PCDHGB4: variants seen among roughly 807,000 people sequenced by gnomAD.
PCDHGB4 encodes the protein protocadherin gamma subfamily B, 4, also known as protocadherin gamma-B4.
In PCDHGB4, 38 loss-of-function variants were observed where a neutral mutation model predicts 60.5. The ratio of observed to expected loss-of-function variants is 0.63; its 90% CI spans 0.48 to 0.82. The LOEUF (loss-of-function observed/expected upper bound fraction) is 0.82, where lower values mean the gene tolerates loss of function less well. Ranked by LOEUF, PCDHGB4 falls within the 40% of genes least tolerant of loss-of-function variation. PCDHGB4 has a pLI of 0.00. For missense variants in PCDHGB4, 1,109 were observed against 1,209.6 expected (o/e 0.92, Z 1.23); for synonymous variants, 456 against 509.7 (o/e 0.89, Z 1.42).
chr5:141,414,040 C>T, intron 1 of PCDHGB4: 2 of 1,611,438 alleles, frequency 1.2e-6, no homozygotes, highest in Non-Finnish European at 1.7e-6. Context: ...CCGAAAATTA[C>T]CTGACACGCA....
rs566838507 is a variant in PCDHGB4, at chr5:141,415,047, G to T, written c.2397+24766G>T. ...GCGAGCCGGGACTCTTCGCGGTGGG[G>T]GAGCACACGGGCGAGGTGCGCACGG... On this transcript the variant is annotated intron_variant, in intron 1 of 3. Transcript: ENST00000519479. The T allele has an allele frequency of 4.2e-5, 67 of 1,613,220 alleles. 1 individual carries two copies. The Admixed American group carries it at 6.0e-4, about 14-fold the overall frequency.
Position 141,389,614 on chromosome 5 carries a change from C to T in PCDHGB4, c.1730C>T (p.Pro577Leu). The T allele has an allele frequency of 1.2e-6, 2 of 1,613,064 alleles. No homozygotes were observed. Among genetic ancestry groups the T allele is most frequent in the Non-Finnish European group, 1.7e-6 (2 of 1,179,826 alleles). Residue 577 changes from proline (P) to leucine (L), a missense_variant, in exon 1 of 4, where the codon CCG becomes CTG. By Grantham distance (98) the Pro-to-Leu change is moderately conservative (BLOSUM62 -3). Coordinates refer to ENST00000519479, the MANE Select transcript of PCDHGB4 (RefSeq NM_003736.4). ...PDGSALFDMV[P>L]HAAEPGYLVT... Reference sequence around the variant, plus strand: ...GGCTCTGCGCTCTTCGATATGGTGCCGCACGCTGCAGAGCCTGGCTACTTG... The same window carrying T: ...GGCTCTGCGCTCTTCGATATGGTGCTGCACGCTGCAGAGCCTGGCTACTTG...
At chr5:141,395,076 C>A (rs1384743817) in intron 1 of PCDHGB4, 1 of 1,614,142 alleles carries the variant, frequency 6.2e-7, no homozygotes, top group Admixed American at 1.7e-5. Context: ...GACCTATTCC[C>A]AGGAAGTCTC....
intron 1 of PCDHGB4, chr5:141,411,753 A>G (rs1006054735): frequency 6.5e-5 from 10 of 152,756 alleles, no homozygotes; most frequent in African/African-American, 2.4e-4. Context: ...GTGGTGGCAC[A>G]TGCCTGTGGT....
rs771804151 is a variant in PCDHGB4, at chr5:141,486,704, A to G, written c.2398-8103A>G. On this transcript the variant is annotated intron_variant, in intron 1 of 3. Coordinates refer to ENST00000519479, the MANE Select transcript of PCDHGB4 (RefSeq NM_003736.4). The surrounding 1 kb of genome is among the most constrained non-coding windows in gnomAD (Gnocchi z 5.0). ...ATCAGCTTCCTCTTTCATCTCTCTG[A>G]ACCCCCAGACAGGAGCTGTTCATGC... 2.2e-5 allele frequency: 35 copies of G among 1,614,016 alleles called. No homozygotes were observed. Among genetic ancestry groups the G allele is most frequent in the Non-Finnish European group, 2.7e-5 (32 of 1,180,032 alleles).
intron 1 of PCDHGB4, among the ~76,000 whole-genome samples, chr5:141,397,685 G>A (rs1471845356): frequency 6.6e-6 from 1 of 152,218 alleles, no homozygotes; most frequent in Non-Finnish European, 1.5e-5. Flanking sequence ...ATGCAGGTTT[G>A]TATAAAAACC....
intron 2 of PCDHGB4, among the ~76,000 whole-genome samples, chr5:141,500,806 T>C (rs2099802700): frequency 6.6e-6 from 1 of 152,240 alleles, no homozygotes; most frequent in Non-Finnish European, 1.5e-5. Context: ...AGTCCTCATA[T>C]GAATATACAT....
intron 1 of PCDHGB4, among the ~76,000 whole-genome samples, chr5:141,449,342 C>T (rs895923034): frequency 3.3e-5 from 5 of 151,854 alleles, no homozygotes; most frequent in Non-Finnish European, 5.9e-5. Context: ...TGCAGTGGCT[C>T]ACTCCTGTAA....
At position 141,399,531 on chromosome 5, in the gene PCDHGB4, G is replaced by T. The variant is rs771221717; in HGVS notation, c.2397+9250G>T. 24 of 1,614,052 alleles carry T rather than the reference G, an allele frequency of 1.5e-5. No homozygotes were observed. The South Asian group carries it at 2.0e-4, about 13-fold the overall frequency. ...ACAACCCTCCTGGGGCCTCCATCGC[G>T]CAAGTCTGCGCCTCGGACCTGGACT... On this transcript the variant is annotated intron_variant, in intron 1 of 3. Coordinates refer to ENST00000519479, the MANE Select transcript of PCDHGB4 (RefSeq NM_003736.4).
Position 141,414,386 on chromosome 5 carries a change from G to A in PCDHGB4, c.2397+24105G>A, listed in dbSNP as rs746637010. On this transcript the variant is annotated intron_variant, in intron 1 of 3. Transcript: ENST00000519479. ...TTTAAATTAGAAAAGTCCATTGACA[G>A]TTATTACAGATTGGTGATACACAGA... is the stretch of plus-strand genomic sequence containing the variant. The A allele has an allele frequency of 1.9e-6, 3 of 1,613,906 alleles. No homozygotes were observed. The Admixed American group carries it at 5.0e-5, about 27-fold the overall frequency.
rs375260597 is a variant in PCDHGB4 at position 141,388,655 on chromosome 5, G to C, written c.771G>C (p.Pro257=). Residue 257 remains proline, a synonymous_variant, in exon 1 of 4, where the codon CCG becomes CCC. Coordinates refer to ENST00000519479, the MANE Select transcript of PCDHGB4 (RefSeq NM_003736.4). ...YRVSLSENVY[P]GTTVLQVTAT... is the part of the protein sequence containing the mutation. Reference sequence around the variant, plus strand: ...TGAGCCTTTCAGAAAACGTGTACCCGGGGACCACGGTGCTACAGGTGACTG... The same window carrying C: ...TGAGCCTTTCAGAAAACGTGTACCCCGGGACCACGGTGCTACAGGTGACTG... The C allele has an allele frequency of 1.9e-6, 3 of 1,613,808 alleles. No individual in the cohort carries two copies. In the African/African-American group the frequency reaches 4.0e-5, roughly 22 times the overall value.
chr5:141,418,990 G>A (rs1029969170), intron 1 of PCDHGB4: 1 of 1,613,784 alleles, frequency 6.2e-7, no homozygotes, highest in African/African-American at 1.3e-5. Flanking sequence ...AAGACTCAGG[G>A]GAAAATGGGG....
At chr5:141,467,055 CTT>C (rs1193465269) in intron 1 of PCDHGB4, among the ~76,000 whole-genome samples, 47 of 134,388 alleles carry the variant, frequency 3.5e-4, no homozygotes, top group Admixed American at 6.0e-4. Context: ...TCAATGTTTT[CTT>C]TTTTTTTTTT....
rs1379719736 is a variant in PCDHGB4, at chr5:141,387,914, G to A, written c.30G>A (p.Arg10=). 1.5e-5 allele frequency: 22 copies of A among 1,487,626 alleles called. No individual in the cohort carries two copies. The highest frequency in any genetic ancestry group is 1.8e-5 in the Non-Finnish European group (20 of 1,123,152). 92.2% of individuals were successfully genotyped at this position (1,487,626 alleles called of 1,614,324 possible). Residue 10 remains arginine, a synonymous_variant, in exon 1 of 4, where the codon CGG becomes CGA. Transcript: ENST00000519479. MGSGAGELG[R]AERLPVLFLF... ...GGAGCGGCGCCGGGGAGCTGGGCCG[G>A]GCTGAGAGGCTGCCAGTGCTCTTTC...
At chr5:141,448,662 C>T (rs1242351797) in intron 1 of PCDHGB4, among the ~76,000 whole-genome samples, 1 of 151,980 alleles carries the variant, frequency 6.6e-6, no homozygotes, top group Non-Finnish European at 1.5e-5. Flanking sequence ...CCATATTGGC[C>T]GGGCGCGGTG....
rs1408938686 is a variant in PCDHGB4 at position 141,398,777 on chromosome 5, G to A, written c.2397+8496G>A. On this transcript the variant is annotated intron_variant, in intron 1 of 3. Transcript: ENST00000519479. ...CGTTTAGTCCTGACTGCCTTGGACG[G>A]TGGACATCCACCCCTAAGCGGCACC... is the stretch of plus-strand genomic sequence containing the variant. The A allele has an allele frequency of 3.1e-6, 5 of 1,613,902 alleles. 1 individual carries two copies. The South Asian group carries it at 3.3e-5, about 11-fold the overall frequency.
At position 141,487,465 on chromosome 5, in the gene PCDHGB4, T is replaced by C. The variant is rs1354086784; in HGVS notation, c.2398-7342T>C. 1.9e-6 allele frequency: 3 copies of C among 1,614,194 alleles called. No individual in the cohort carries two copies. The highest frequency in any genetic ancestry group is 1.7e-6 in the Non-Finnish European group (2 of 1,180,020). Reference sequence around the variant, plus strand: ...CAGATGACCCTATCAAGTTTGTTGATGTGGGAGGCCACTCTCATGGCTGTA... The same window carrying C: ...CAGATGACCCTATCAAGTTTGTTGACGTGGGAGGCCACTCTCATGGCTGTA... On this transcript the variant is annotated intron_variant, in intron 1 of 3. Transcript: ENST00000519479. The surrounding 1 kb of genome is among the most constrained non-coding windows in gnomAD (Gnocchi z 5.0).
chr5:141,474,291 AGT>A (rs1191263215), intron 1 of PCDHGB4, among the ~76,000 whole-genome samples: 1 of 152,210 alleles, frequency 6.6e-6, no homozygotes, highest in Admixed American at 6.5e-5. Flanking sequence ...CCACTAGATC[AGT>A]GCTTGTCAAA....
At chr5:141,392,465 C>A (rs2092539675) in intron 1 of PCDHGB4, 2 of 174,278 alleles carry the variant, frequency 1.1e-5, no homozygotes, top group Admixed American at 6.2e-5. Flanking sequence ...ACGGATAAAT[C>A]AAATAAATTC....
Sources: gnomAD v4.1 joint callset for allele counts (sites outside exome capture counted in the v4.1 genomes callset) on GRCh38, gnomAD v4.1.1 for gene constraint, Gnocchi (gnomAD v3.1) non-coding constraint, MANE v1.5 for transcripts, NCBI Gene and HGNC (gene_info 2026-07-23, HGNC 2026-07-21) for gene names.